The following UPK1A variants were observed in gnomAD, a reference collection of about 807,000 sequenced individuals.
UPK1A encodes the protein uroplakin-1a.
A neutral mutation model predicts 32.3 loss-of-function variants in UPK1A; 31 were observed. That is an observed-to-expected ratio of 0.96 (90% confidence interval 0.72 to 1.30). The LOEUF is 1.30. Among genes scored for constraint, UPK1A ranks in the 50% most tolerant of loss-of-function variants. The probability of loss-of-function intolerance (pLI) is 0.00; values close to 1 mark genes in which losing one functional copy is unlikely to be tolerated. For synonymous variants in UPK1A, 135 were observed against 137.1 expected, an observed-to-expected ratio of 0.98 and a Z score of 0.11; for missense variants, 340 against 357.4, an observed-to-expected ratio of 0.95 and a Z score of 0.39.
At chr19:35,676,950 G>A (rs1034179415) in intron 6 of UPK1A, among the ~76,000 whole-genome samples, 1 of 151,970 alleles carries the variant, frequency 6.6e-6, no homozygotes, top group Non-Finnish European at 1.5e-5. Flanking sequence ...AGCTAGGCAC[G>A]GGGGCTCACG....
At chr19:35,678,454 G>GGCAA in exon 8 of UPK1A, 1 of 138,066 alleles carries the variant, frequency 7.2e-6, no homozygotes, top group Non-Finnish European at 1.5e-5. Flanking sequence ...ATACTAGATA[G>GGCAA]TCAATAAATA....
At position 35,668,816 on chromosome 19, in the gene UPK1A, C is replaced by T; in HGVS notation, c.285+162C>T. 3.6e-6 allele frequency: 3 copies of T among 824,336 alleles called. No individual in the cohort carries two copies. In the South Asian group the frequency reaches 5.7e-5, roughly 16 times the overall value. 51.1% of individuals were successfully genotyped at this position (824,336 alleles called of 1,614,324 possible). ...ATTCAGTCTTCCCACAGCCCAATAACCCAGGCTTGAGTAGCAGAGCTGGGA... is the reference window on the plus strand; with the variant it reads ...ATTCAGTCTTCCCACAGCCCAATAATCCAGGCTTGAGTAGCAGAGCTGGGA... On this transcript the variant is annotated intron_variant, in intron 3 of 7. Coordinates refer to ENST00000617999, the Ensembl canonical transcript of UPK1A.
chr19:35,666,937 G>T (rs1568346114), intron 2 of UPK1A, 41 bp downstream of exon 2: 2 of 1,606,616 alleles, frequency 1.2e-6, no homozygotes. Context: ...TGGTTGTGTG[G>T]TGGGGAGGGG....
rs2146389221 is a variant in UPK1A at position 35,676,033 on chromosome 19, C to T, written c.648+14C>T. On this transcript the variant is annotated intron_variant, in intron 6 of 7. Coordinates refer to ENST00000617999, the Ensembl canonical transcript of UPK1A. ...CTGTTCACCAAGGTGTGGCCGTCTG[C>T]CCTGCTCCATCTGTCTATCCATCTG... 2 of 1,607,470 alleles carry T rather than the reference C, an allele frequency of 1.2e-6. No homozygotes were observed. The highest frequency in any genetic ancestry group is 1.7e-6 in the Non-Finnish European group (2 of 1,176,510).
chr19:35,674,777 C>G (rs1334925814), intron 5 of UPK1A, among the ~76,000 whole-genome samples: 1 of 151,972 alleles, frequency 6.6e-6, no homozygotes, highest in Non-Finnish European at 1.5e-5. Flanking sequence ...TGCAGTGGCT[C>G]AAACCTATAA....
exon 5 of UPK1A, chr19:35,673,448 A>G (rs1258009834): frequency 2.5e-6 from 4 of 1,613,460 alleles, no homozygotes; most frequent in East Asian, 2.2e-5. Context: ...ATGGTGTCCA[A>G]CCCATCCCTG....
intron 3 of UPK1A, among the ~76,000 whole-genome samples, chr19:35,671,223 C>G (rs1272514783): frequency 1.3e-5 from 2 of 151,190 alleles, no homozygotes; most frequent in Non-Finnish European, 2.9e-5. Flanking sequence ...CCCGTCTTTA[C>G]TAAAAAACAA....
rs746369121 is a variant in UPK1A, at chr19:35,677,965, T to G, written c.733-10T>G. On this transcript the variant is annotated splice_polypyrimidine_tract_variant and intron_variant, in intron 7 of 7. Coordinates refer to ENST00000617999, the Ensembl canonical transcript of UPK1A. ...GGCGGAGTGCCCTCATCTCGCTGCCTCCTCGCCAGCTCCCGGTCATGCTGA... is the reference window on the plus strand; with the variant it reads ...GGCGGAGTGCCCTCATCTCGCTGCCGCCTCGCCAGCTCCCGGTCATGCTGA... The G allele has an allele frequency of 6.3e-7, 1 of 1,596,944 alleles. No homozygotes were observed.
chr19:35,670,557 T>C (rs1158873002), intron 3 of UPK1A, among the ~76,000 whole-genome samples: 3 of 61,260 alleles, frequency 4.9e-5, no homozygotes, highest in Non-Finnish European at 8.9e-5. Flanking sequence ...TCCCCTCCCC[T>C]CCTCTCCCCT....
At chr19:35,676,195 C>CTTT in intron 6 of UPK1A, 176 bp downstream of exon 6, 9 of 589,554 alleles carry the variant, frequency 1.5e-5, no homozygotes, top group Admixed American at 6.6e-5. Context: ...TTCTTTCTTT[C>CTTT]TTTTTTTTTT....
In UPK1A at chr19:35,668,732, C is replaced by T; in HGVS notation, c.285+78C>T. 2.1e-6 allele frequency: 3 copies of T among 1,458,804 alleles called. No homozygotes were observed. In the South Asian group the frequency reaches 4.0e-5, roughly 20 times the overall value. The allele number at this position is 1,458,804 out of a possible 1,614,324, so 90.4% of individuals were successfully genotyped here. ...ACTGAGTCATAGTAGCAGGTGCAGC[C>T]CCAGCCACTAGTGTGAGTTCCCCAT... On this transcript the variant is annotated intron_variant, in intron 3 of 7. Coordinates refer to ENST00000617999, the Ensembl canonical transcript of UPK1A.
chr19:35,671,777 G>A (rs1968105579), intron 3 of UPK1A, among the ~76,000 whole-genome samples: 1 of 151,978 alleles, frequency 6.6e-6, no homozygotes, highest in East Asian at 1.9e-4. Context: ...ATTTCTTACA[G>A]GAAATTTCTA....
chr19:35,675,945 C>T (rs555188398), exon 6 of UPK1A: 14 of 1,613,952 alleles, frequency 8.7e-6, no homozygotes, highest in African/African-American at 2.7e-5. Context: ...ACTGTGCTGT[C>T]GCCGGACGGG....
rs1430722417 is a variant in UPK1A, at chr19:35,670,656, C to G, written c.285+2002C>G. On this transcript the variant is annotated intron_variant, in intron 3 of 7. Coordinates refer to ENST00000617999, the Ensembl canonical transcript of UPK1A. ...ATCCTGGGTACGATGGAGCCATGGA[C>G]TTCCTTCCCTTCCTTCTTTCCCTCC... is the stretch of plus-strand genomic sequence containing the variant. 3.5e-5 allele frequency among the ~76,000 whole-genome samples: 5 copies of G among 141,686 alleles called. No homozygotes were observed. The South Asian group carries it at 7.3e-4, about 21-fold the overall frequency. 93.0% of individuals were successfully genotyped at this position (141,686 alleles called of 152,430 possible).
chr19:35,666,864 G>A, exon 2 of UPK1A: 1 of 1,614,098 alleles, frequency 6.2e-7, no homozygotes, highest in Non-Finnish European at 8.5e-7. Flanking sequence ...AGTTGTGGTG[G>A]GCCTGCTAGT....
At chr19:35,666,921 G>T in intron 2 of UPK1A, 25 bp downstream of exon 2, 1 of 1,613,294 alleles carries the variant, frequency 6.2e-7, no homozygotes, top group South Asian at 1.1e-5. Flanking sequence ...AGTGCTGGGA[G>T]CCGAGTGGTT....
chr19:35,672,993 G>C (rs1458373817), intron 3 of UPK1A, among the ~76,000 whole-genome samples: 1 of 152,172 alleles, frequency 6.6e-6, no homozygotes, highest in Non-Finnish European at 1.5e-5. Flanking sequence ...GGGATTATAG[G>C]CGTGAGCCAC....
chr19:35,672,862 G>A (rs1968123317), intron 3 of UPK1A, among the ~76,000 whole-genome samples: 1 of 151,950 alleles, frequency 6.6e-6, no homozygotes, highest in African/African-American at 2.4e-5. Flanking sequence ...TTACAGGTGT[G>A]AGCCACCAAT....
chr19:35,675,288 T>C (rs1042978883), intron 5 of UPK1A, among the ~76,000 whole-genome samples: 12 of 152,210 alleles, frequency 7.9e-5, no homozygotes, highest in Admixed American at 4.6e-4. Flanking sequence ...TTTTATTTTA[T>C]TTTATTTTTT....
Sources: gnomAD v4.1 joint callset for allele counts (sites outside exome capture counted in the v4.1 genomes callset) on GRCh38, gnomAD v4.1.1 for gene constraint, MANE v1.5 for transcripts, NCBI Gene and HGNC (gene_info 2026-07-23, HGNC 2026-07-21) for gene names.